CHD9: variants seen among roughly 807,000 people sequenced by gnomAD.
CHD9 encodes the protein ATP-dependent chromatin remodeler CHD9.
Under a neutral mutation model 316.1 loss-of-function variants are expected in CHD9, and 77 were observed. That is an observed-to-expected ratio of 0.24 (90% CI 0.20 to 0.29). The LOEUF (loss-of-function observed/expected upper bound fraction) is 0.29, where lower values mean the gene tolerates loss of function less well. Among genes scored for constraint, CHD9 ranks in the 10% least tolerant of loss-of-function variants. The probability of loss-of-function intolerance (pLI) is 1.00; values close to 1 mark genes in which losing one functional copy is unlikely to be tolerated. For synonymous variants in CHD9, 1,129 were observed against 1,158.3 expected (o/e 0.97, Z 0.51); for missense variants, 2,763 against 3,438.1 (o/e 0.80, Z 4.91).
At chr16:53,193,722 G>T (rs975721423) in intron 2 of CHD9, among the ~76,000 whole-genome samples, 1 of 152,000 alleles carries the variant, frequency 6.6e-6, no homozygotes, top group Non-Finnish European at 1.5e-5. Context: ...AACATTTACC[G>T]AGTGCCTGCA....
intron 2 of CHD9, among the ~76,000 whole-genome samples, chr16:53,178,544 G>A (rs536592787): frequency 4.8e-4 from 71 of 148,614 alleles, no homozygotes; most frequent in African/African-American, 1.5e-3. Flanking sequence ...GTGATCTTCC[G>A]TGCTAAAGTG....
At chr16:53,292,586 T>C (rs1325699229) in intron 28 of CHD9, among the ~76,000 whole-genome samples, 1 of 152,188 alleles carries the variant, frequency 6.6e-6, no homozygotes, top group Non-Finnish European at 1.5e-5. Context: ...GATATATACC[T>C]AGACATGCAA....
chr16:53,242,771 C>A, intron 12 of CHD9, 69 bp from the exon 13 acceptor site: 1 of 1,349,726 alleles, frequency 7.4e-7, no homozygotes, highest in Non-Finnish European at 1.0e-6. Context: ...TTATCTGATG[C>A]CACTTGACAG....
intron 16 of CHD9, among the ~76,000 whole-genome samples, chr16:53,248,952 G>A (rs1414492834): frequency 3.3e-5 from 5 of 151,938 alleles, no homozygotes; most frequent in African/African-American, 4.8e-5. Context: ...TATTGTCAAT[G>A]TCCTACTCTT....
Position 53,285,577 on chromosome 16 carries a change from T to G in CHD9, c.4968-19T>G. ...TCATTTATAATAATTCATAATGCCA[T>G]ATTATGATTTTTTTAAAGTGACATT... On this transcript the variant is annotated intron_variant, in intron 24 of 38. Transcript: ENST00000447540. 1 of 1,476,536 alleles carries G rather than the reference T, an allele frequency of 6.8e-7. No individual in the cohort carries two copies. Among genetic ancestry groups the G allele is most frequent in the Non-Finnish European group, 9.3e-7 (1 of 1,069,690 alleles). 91.5% of individuals were successfully genotyped at this position (1,476,536 alleles called of 1,614,324 possible).
chr16:53,177,096 C>T (rs376737977), intron 2 of CHD9, among the ~76,000 whole-genome samples: 1 of 152,170 alleles, frequency 6.6e-6, no homozygotes, highest in African/African-American at 2.4e-5. Context: ...GCTGGGATTA[C>T]AGGCACATGC....
chr16:53,121,457 GAA>G, intron 1 of CHD9: 1 of 456,022 alleles, frequency 2.2e-6, no homozygotes, highest in South Asian at 1.5e-5. Flanking sequence ...TATAAAAGCA[GAA>G]CAGTGTTAAG....
chr16:53,197,950 G>A (rs2045080616), intron 2 of CHD9, among the ~76,000 whole-genome samples: 1 of 151,938 alleles, frequency 6.6e-6, no homozygotes, highest in Admixed American at 6.5e-5. Flanking sequence ...GAGCCACCAT[G>A]CCCGGCCTCC....
At chr16:53,301,868 C>T (rs1368472294) in intron 30 of CHD9, among the ~76,000 whole-genome samples, 1 of 151,342 alleles carries the variant, frequency 6.6e-6, no homozygotes, top group African/African-American at 2.4e-5. Flanking sequence ...GGGTTCATGC[C>T]ATTCTCCTGC....
At chr16:53,243,042 G>T in intron 13 of CHD9, 26 bp downstream of exon 13, 1 of 1,515,486 alleles carries the variant, frequency 6.6e-7, no homozygotes, top group South Asian at 1.1e-5. Flanking sequence ...TTATCATTAT[G>T]ACAATTGAGT....
chr16:53,312,476 A>T (rs1381032196), intron 34 of CHD9, among the ~76,000 whole-genome samples: 1 of 152,212 alleles, frequency 6.6e-6, no homozygotes, highest in Non-Finnish European at 1.5e-5. Context: ...GGTTGTCAGA[A>T]GGGGTAAAAG....
intron 1 of CHD9, among the ~76,000 whole-genome samples, chr16:53,143,677 A>G (rs1397266474): frequency 6.6e-6 from 1 of 152,182 alleles, no homozygotes; most frequent in Admixed American, 6.5e-5. Flanking sequence ...ATGAGCTACC[A>G]CGCCCGGCCT....
intron 1 of CHD9, among the ~76,000 whole-genome samples, chr16:53,107,521 A>T (rs1453270823): frequency 1.3e-5 from 2 of 150,650 alleles, no homozygotes; most frequent in Admixed American, 1.3e-4. Flanking sequence ...AATATAAAAT[A>T]AAATTAAAAA....
At chr16:53,295,816 GA>G (rs1183119464) in intron 29 of CHD9, among the ~76,000 whole-genome samples, 1 of 152,098 alleles carries the variant, frequency 6.6e-6, no homozygotes. Context: ...ATAATCCTGT[GA>G]GTTAAGCAAG....
At chr16:53,243,911 A>G (rs1337018218) in intron 13 of CHD9, among the ~76,000 whole-genome samples, 1 of 152,142 alleles carries the variant, frequency 6.6e-6, no homozygotes, top group Non-Finnish European at 1.5e-5. Context: ...TTCTGTAAAA[A>G]CTTAAAGTTT....
intron 1 of CHD9, among the ~76,000 whole-genome samples, chr16:53,109,605 G>C (rs1372560480): frequency 6.6e-6 from 1 of 150,956 alleles, no homozygotes; most frequent in Non-Finnish European, 1.5e-5. Flanking sequence ...AAAGTGCTGG[G>C]ATTACGGGTG....
intron 1 of CHD9, among the ~76,000 whole-genome samples, chr16:53,077,080 T>G (rs1460061735): frequency 6.6e-6 from 1 of 151,488 alleles, no homozygotes; most frequent in Non-Finnish European, 1.5e-5. Flanking sequence ...CTCCGCCTCC[T>G]GGGTTCAAGC....
At position 53,325,776 on chromosome 16, in the gene CHD9, A is replaced by T. The variant is rs1294206937; in HGVS notation, c.*881A>T. ...TCCAGGGTTCAGAAAAGGCAAACTC[A>T]TGAAATGCCACTGAAAAGAACTTTC... On this transcript the variant is annotated 3_prime_UTR_variant, in exon 39 of 39. Coordinates refer to ENST00000447540, the MANE Select transcript of CHD9 (RefSeq NM_001308319.2). 1 of 152,284 alleles carries T rather than the reference A, an allele frequency of 6.6e-6. No individual in the cohort carries two copies. The highest frequency in any genetic ancestry group is 2.1e-4 in the South Asian group (1 of 4,832). The allele number at this position is 152,284 out of a possible 1,614,324, so 9.4% of individuals were successfully genotyped here. A position where few individuals can be genotyped will look rare whatever the true frequency, so the allele number is the denominator to read the frequency against.
intron 7 of CHD9, 132 bp from the exon 8 acceptor site, chr16:53,228,851 A>G (rs1246689350): frequency 7.9e-6 from 4 of 506,540 alleles, no homozygotes; most frequent in South Asian, 4.2e-5. Context: ...TCGTAATTCT[A>G]TTAAAGTTAA....
Sources: gnomAD v4.1 joint callset for allele counts (sites outside exome capture counted in the v4.1 genomes callset) on GRCh38, gnomAD v4.1.1 for gene constraint, MANE v1.5 for transcripts, NCBI Gene and HGNC (gene_info 2026-07-23, HGNC 2026-07-21) for gene names.